The following HEPHL1 variants were observed in gnomAD, a reference collection of about 807,000 sequenced individuals.
HEPHL1 encodes hephaestin like 1.
In HEPHL1, 123 loss-of-function variants were observed where a neutral mutation model predicts 122.0. The ratio of observed to expected loss-of-function variants is 1.01; its 90% confidence interval spans 0.87 to 1.17. HEPHL1 has a LOEUF of 1.17. Ranked by LOEUF, HEPHL1 falls within the 50% of genes most tolerant of loss-of-function variation. HEPHL1 has a pLI of 0.00. For synonymous variants in HEPHL1, 527 were observed against 508.9 expected, an observed-to-expected ratio of 1.04 and a Z score of -0.48; for missense variants, 1,452 against 1,430.5, an observed-to-expected ratio of 1.01 and a Z score of -0.24.
intron 1 of HEPHL1, among the ~76,000 whole-genome samples, chr11:94,032,420 A>T (rs1945683475): frequency 6.6e-6 from 1 of 152,160 alleles, no homozygotes; most frequent in African/African-American, 2.4e-5. Flanking sequence ...AGTGATAATC[A>T]CTTTTTAGCT....
chr11:94,056,432 C>CTCTT (rs1945936288), intron 2 of HEPHL1, among the ~76,000 whole-genome samples: 1 of 152,024 alleles, frequency 6.6e-6, no homozygotes, highest in African/African-American at 2.4e-5. Flanking sequence ...TCCTCTGGTC[C>CTCTT]TCTTTTACTG....
At chr11:94,103,081 G>C (rs1278892904) in intron 15 of HEPHL1, 61 bp downstream of exon 15, 1 of 956,280 alleles carries the variant, frequency 1.0e-6, no homozygotes, top group Non-Finnish European at 1.7e-6. Flanking sequence ...GACTACTTGG[G>C]TCATCACAAT....
intron 2 of HEPHL1, among the ~76,000 whole-genome samples, chr11:94,058,898 A>AT: frequency 6.6e-6 from 1 of 152,134 alleles, no homozygotes; most frequent in Middle Eastern, 3.4e-3. Flanking sequence ...AAAAAGTATA[A>AT]AGAAGAGGAA....
rs757518199 is a variant in HEPHL1, at chr11:94,073,049, A to C, written c.1257A>C (p.Gln419His). Residue 419 changes from glutamine (Q) to histidine (H), a missense_variant, in exon 7 of 20, where the codon CAA becomes CAC. By Grantham distance (24) the Gln-to-His change is conservative. Coordinates refer to ENST00000315765, the MANE Select transcript of HEPHL1 (RefSeq NM_001098672.2). Reference protein sequence around the residue: ...SGSDSDLYFTQGDNRIGGKYW... With the variant: ...SGSDSDLYFTHGDNRIGGKYW... ...GTGACTCTGATCTCTACTTCACACAAGGGGACAACAGAATAGGAGGAAAAT... is the reference window on the plus strand; with the variant it reads ...GTGACTCTGATCTCTACTTCACACACGGGGACAACAGAATAGGAGGAAAAT... 6.2e-7 allele frequency: 1 copy of C among 1,612,806 alleles called. No homozygotes were observed. The highest frequency in any genetic ancestry group is 1.1e-5 in the South Asian group (1 of 91,024).
At chr11:94,042,883 A>AAAAGCAAAAAACAAAC (rs1555058776) in intron 1 of HEPHL1, among the ~76,000 whole-genome samples, 2 of 132,398 alleles carry the variant, frequency 1.5e-5, no homozygotes, top group East Asian at 4.3e-4. Flanking sequence ...AATAAAAAAA[A>AAAAGCAAAAAACAAAC]AAAAAAAAAA....
In HEPHL1 at chr11:94,113,580, G is replaced by C. The variant is rs921086741; in HGVS notation, c.*1686G>C. On this transcript the variant is annotated 3_prime_UTR_variant, in exon 20 of 20. Transcript: ENST00000315765. ...CATGTTCTACAGTTTTCATACATGT[G>C]TAGGCTGCATAATTTCATAATTATG... 2.6e-5 allele frequency: 4 copies of C among 152,104 alleles called. No individual in the cohort carries two copies. Among genetic ancestry groups the C allele is most frequent in the African/African-American group, 9.7e-5 (4 of 41,412 alleles). The allele number at this position is 152,104 out of a possible 1,614,324, so 9.4% of individuals were successfully genotyped here.
At chr11:94,082,371 TC>T (rs1565357332) in intron 9 of HEPHL1, 46 bp from the exon 10 acceptor site, 1 of 1,433,790 alleles carries the variant, frequency 7.0e-7, no homozygotes, top group Non-Finnish European at 9.5e-7. Flanking sequence ...TTCTGTGAAT[TC>T]CTCCAAGCTG....
intron 11 of HEPHL1, among the ~76,000 whole-genome samples, chr11:94,088,263 A>T (rs1946234038): frequency 6.6e-6 from 1 of 152,244 alleles, no homozygotes. Context: ...GAAGTAATAC[A>T]TTTGGCTTTA....
intron 11 of HEPHL1, among the ~76,000 whole-genome samples, chr11:94,088,213 A>G (rs1946233491): frequency 6.6e-6 from 1 of 152,220 alleles, no homozygotes; most frequent in Non-Finnish European, 1.5e-5. Context: ...ATGTAGACCT[A>G]TCATTGGAAA....
chr11:94,057,977 G>C (rs1945954172), intron 2 of HEPHL1, among the ~76,000 whole-genome samples: 1 of 151,890 alleles, frequency 6.6e-6, no homozygotes. Flanking sequence ...TAAATCTGTG[G>C]ATTATCTTTC....
intron 2 of HEPHL1, among the ~76,000 whole-genome samples, chr11:94,060,918 A>G (rs1165960661): frequency 6.6e-6 from 1 of 152,206 alleles, no homozygotes; most frequent in East Asian, 1.9e-4. Context: ...AGGGAAGCCA[A>G]CTAGGAGGTT....
intron 11 of HEPHL1, among the ~76,000 whole-genome samples, chr11:94,086,888 T>C (rs967442951): frequency 6.6e-6 from 1 of 151,938 alleles, no homozygotes; most frequent in Non-Finnish European, 1.5e-5. Flanking sequence ...CTATAGACAT[T>C]GAACATGTTT....
chr11:94,043,283 C>A (rs1945803321), intron 1 of HEPHL1, among the ~76,000 whole-genome samples: 1 of 152,116 alleles, frequency 6.6e-6, no homozygotes, highest in African/African-American at 2.4e-5. Context: ...AGACAGACTT[C>A]CTCCTGTGGT....
intron 1 of HEPHL1, among the ~76,000 whole-genome samples, chr11:94,030,823 C>G (rs1486655806): frequency 6.6e-6 from 1 of 152,184 alleles, no homozygotes; most frequent in Non-Finnish European, 1.5e-5. Flanking sequence ...CTAACTCTTG[C>G]TCCTGGGTAG....
chr11:94,108,885 G>GT (rs777558993), intron 17 of HEPHL1, among the ~76,000 whole-genome samples: 135 of 152,042 alleles, frequency 8.9e-4, no homozygotes, highest in Non-Finnish European at 1.5e-3. Flanking sequence ...GAAATAATTT[G>GT]TTGATTTTGA....
intron 9 of HEPHL1, among the ~76,000 whole-genome samples, chr11:94,081,656 A>C (rs1427846197): frequency 1.3e-5 from 2 of 152,110 alleles, no homozygotes; most frequent in African/African-American, 4.8e-5. Flanking sequence ...TGAATTCATT[A>C]TTTCACTCAA....
In HEPHL1 at chr11:94,111,694, C is replaced by CT; in HGVS notation, c.3280_3281insT (p.Arg1094LeufsTer78). 1 of 1,612,354 alleles carries CT rather than the reference C, an allele frequency of 6.2e-7. No individual in the cohort carries two copies. The highest frequency in any genetic ancestry group is 1.1e-5 in the South Asian group (1 of 90,850). On this transcript the variant is annotated frameshift_variant, in exon 20 of 20. Coordinates refer to ENST00000315765, the MANE Select transcript of HEPHL1 (RefSeq NM_001098672.2). LOFTEE classifies it high-confidence loss of function. Reference sequence around the variant, plus strand: ...TGACAAGTTTATCTTTTTCACAGAACGACCTGGCAAAGAGCAGCTCTATTT... The same window carrying CT: ...TGACAAGTTTATCTTTTTCACAGAACTGACCTGGCAAAGAGCAGCTCTATTT...
intron 10 of HEPHL1, among the ~76,000 whole-genome samples, chr11:94,084,332 C>G (rs952331976): frequency 1.5e-4 from 19 of 126,926 alleles, no homozygotes; most frequent in African/African-American, 5.1e-4. Flanking sequence ...GACCCTCTCT[C>G]TGTTTAAATA....
intron 2 of HEPHL1, among the ~76,000 whole-genome samples, chr11:94,046,489 C>A (rs1212180676): frequency 6.7e-6 from 1 of 149,268 alleles, no homozygotes; most frequent in Non-Finnish European, 1.5e-5. Context: ...ACCTGCTCCA[C>A]CACGCACCAG....
Sources: allele counts gnomAD v4.1 joint callset (sites outside exome capture counted in the v4.1 genomes callset), GRCh38; gene constraint gnomAD v4.1.1; transcripts MANE v1.5; gene names NCBI Gene and HGNC (gene_info 2026-07-23, HGNC 2026-07-21).